PHF2: variants seen among roughly 807,000 people sequenced by gnomAD.
PHF2 encodes the protein PHD finger protein 2.
In PHF2, 27 loss-of-function variants were observed where a neutral mutation model predicts 120.5. That is an observed-to-expected ratio of 0.22 (90% CI 0.17 to 0.31). The LOEUF (loss-of-function observed/expected upper bound fraction) is 0.31. Among genes scored for constraint, PHF2 ranks in the 10% least tolerant of loss-of-function variants. The pLI, the probability that PHF2 is intolerant of heterozygous loss-of-function variation, is 1.00. For synonymous variants in PHF2, 568 were observed against 592.5 expected (o/e 0.96, Z 0.60); for missense variants, 1,024 against 1,434.8 (o/e 0.71, Z 4.63).
chr9:93,667,396 T>C (rs1826702827), intron 17 of PHF2, among the ~76,000 whole-genome samples, 156 bp downstream of exon 17: 1 of 152,252 alleles, frequency 6.6e-6, no homozygotes, highest in Non-Finnish European at 1.5e-5. Flanking sequence ...CCTCAGATGT[T>C]GGACTGGTTC....
At chr9:93,600,215 TGTGGTG>T (rs149179468) in intron 1 of PHF2, among the ~76,000 whole-genome samples, 1 of 151,852 alleles carries the variant, frequency 6.6e-6, no homozygotes, top group African/African-American at 2.4e-5. Flanking sequence ...TGGTATGTGG[TGTGGTG>T]GTGCATGGGG....
intron 1 of PHF2, among the ~76,000 whole-genome samples, chr9:93,623,610 A>T (rs1235656760): frequency 1.3e-5 from 2 of 152,176 alleles, no homozygotes; most frequent in Non-Finnish European, 2.9e-5. Context: ...TTCATTCATC[A>T]ATGTTCTGAG....
At chr9:93,651,054 C>A (rs976888049) in intron 5 of PHF2, among the ~76,000 whole-genome samples, 1 of 149,228 alleles carries the variant, frequency 6.7e-6, no homozygotes, top group African/African-American at 2.5e-5. Flanking sequence ...GAGTTTGCAA[C>A]CAGCCTGGGC....
intron 13 of PHF2, among the ~76,000 whole-genome samples, 199 bp from the exon 14 acceptor site, chr9:93,663,318 G>A (rs1275736155): frequency 3.9e-5 from 6 of 152,140 alleles, no homozygotes; most frequent in African/African-American, 1.2e-4. Flanking sequence ...ACTCCATGGG[G>A]GTCAGGCAAC....
At chr9:93,650,023 T>C (rs1402283087) in intron 5 of PHF2, among the ~76,000 whole-genome samples, 3 of 149,798 alleles carry the variant, frequency 2.0e-5, no homozygotes, top group African/African-American at 7.4e-5. Flanking sequence ...ACGGACACAC[T>C]CGCCAACACA....
At chr9:93,653,422 G>C (rs1206438797) in intron 6 of PHF2, 57 bp downstream of exon 6, 3 of 1,555,582 alleles carry the variant, frequency 1.9e-6, no homozygotes, top group Non-Finnish European at 1.8e-6. Context: ...CCATCTGCAG[G>C]ATTGTCTGCA....
intron 3 of PHF2, among the ~76,000 whole-genome samples, chr9:93,638,713 C>G (rs796611650): frequency 1.6e-4 from 24 of 152,042 alleles, no homozygotes; most frequent in African/African-American, 5.8e-4. Flanking sequence ...ATAAGTCTTC[C>G]AAGTTTGTTC....
chr9:93,650,079 GAC>G (rs1293272867), intron 5 of PHF2, among the ~76,000 whole-genome samples: 2 of 149,244 alleles, frequency 1.3e-5, no homozygotes, highest in East Asian at 2.0e-4. Context: ...ACGTACTCAT[GAC>G]ACATTCATAG....
chr9:93,668,772 C>T (rs1051837079), intron 17 of PHF2, among the ~76,000 whole-genome samples: 5 of 152,308 alleles, frequency 3.3e-5, no homozygotes, highest in Admixed American at 1.3e-4. Flanking sequence ...ACAACTAGCC[C>T]GTGCCTCGGA....
chr9:93,656,635 C>T lies in PHF2; in HGVS notation c.1147+40C>T, dbSNP rs767892919. ...GGGGTGGGCGTCCAAGCCTGGGGCT[C>T]TTGGCTGTGGGGGCAGCCAGACCTG... On this transcript the variant is annotated intron_variant, in intron 9 of 21. Transcript: ENST00000359246. This position sits in a 1 kb window ranked among gnomAD's most constrained non-coding sequence, Gnocchi z 4.1. The T allele has an allele frequency of 1.4e-6, 2 of 1,439,620 alleles. No homozygotes were observed. Among genetic ancestry groups the T allele is most frequent in the Admixed American group, 1.7e-5 (1 of 59,576 alleles). 89.2% of individuals were successfully genotyped at this position (1,439,620 alleles called of 1,614,324 possible).
chr9:93,627,942 C>T (rs934150999), intron 1 of PHF2, among the ~76,000 whole-genome samples: 1 of 152,208 alleles, frequency 6.6e-6, no homozygotes, highest in Non-Finnish European at 1.5e-5. Context: ...ATCTGTCCTC[C>T]AGGGTGAAGG....
chr9:93,616,651 A>ATT (rs34471538), intron 1 of PHF2, among the ~76,000 whole-genome samples: 25 of 146,588 alleles, frequency 1.7e-4, no homozygotes, highest in South Asian at 6.5e-4. Flanking sequence ...TTCTCCTATA[A>ATT]TTTTTTTTTT....
chr9:93,614,932 A>ATGATG (rs891839202), intron 1 of PHF2, among the ~76,000 whole-genome samples: 5 of 151,170 alleles, frequency 3.3e-5, no homozygotes, highest in African/African-American at 1.2e-4. Context: ...GGTGATGGTG[A>ATGATG]TGATGGCAAT....
intron 2 of PHF2, among the ~76,000 whole-genome samples, chr9:93,634,936 C>T (rs114141091): frequency 0.029 from 4,383 of 152,364 alleles, 206 homozygotes; most frequent in African/African-American, 0.098. Context: ...TGCCAACCTA[C>T]ATCCCACAGC....
chr9:93,607,063 A>C (rs1216597723), intron 1 of PHF2, among the ~76,000 whole-genome samples: 2 of 152,128 alleles, frequency 1.3e-5, no homozygotes, highest in Non-Finnish European at 2.9e-5. Flanking sequence ...TGTCCCATTA[A>C]AGTACATTCT....
At chr9:93,645,257 G>T (rs913874004) in intron 3 of PHF2, among the ~76,000 whole-genome samples, 7 of 152,230 alleles carry the variant, frequency 4.6e-5, no homozygotes, top group Non-Finnish European at 1.0e-4. Flanking sequence ...TGGAGGAGCT[G>T]CCCCCGTCCT....
chr9:93,583,826 CTTTTTTT>C (rs113746371), intron 1 of PHF2, among the ~76,000 whole-genome samples: 6 of 124,632 alleles, frequency 4.8e-5, no homozygotes, highest in Admixed American at 1.7e-4. Flanking sequence ...TTTTTCTTTT[CTTTTTTT>C]TTTTTTTTTT....
chr9:93,668,786 G>A (rs1826728852), intron 17 of PHF2, among the ~76,000 whole-genome samples: 1 of 152,230 alleles, frequency 6.6e-6, no homozygotes. Flanking sequence ...CCTCGGAGCA[G>A]TGTGCACGTG....
intron 1 of PHF2, among the ~76,000 whole-genome samples, chr9:93,612,526 T>A (rs1435828191): frequency 2.4e-4 from 36 of 152,346 alleles, no homozygotes. Context: ...GTGTGGCCTT[T>A]TATATAAACT....
Sources: gnomAD v4.1 joint callset for allele counts (sites outside exome capture counted in the v4.1 genomes callset) on GRCh38, gnomAD v4.1.1 for gene constraint, Gnocchi (gnomAD v3.1) non-coding constraint, MANE v1.5 for transcripts, NCBI Gene and HGNC (gene_info 2026-07-23, HGNC 2026-07-21) for gene names.